Variants in TRAF3IP3 observed in about 807,000 individuals in gnomAD.
The protein encoded by TRAF3IP3 is TRAF3 interacting protein 3, also known as TRAF3-interacting JNK-activating modulator.
TRAF3IP3 carries 64 observed loss-of-function variants against 86.5 expected under a neutral mutation model. The observed-to-expected ratio is 0.74, with a 90% CI of 0.60 to 0.91. The LOEUF is 0.91. Ranked by LOEUF, TRAF3IP3 falls within the 40% of genes least tolerant of loss-of-function variation. The pLI is 0.00. For synonymous variants in TRAF3IP3, 220 were observed against 243.9 expected (o/e 0.90, Z 0.91); for missense variants, 579 against 642.9 (o/e 0.90, Z 1.07).
Position 209,756,145 on chromosome 1 carries a change from G to C in TRAF3IP3, c.-324G>C, listed in dbSNP as rs571735468. 1.0e-3 allele frequency: 157 copies of C among 152,478 alleles called. 1 individual carries two copies. The highest frequency in any genetic ancestry group is 3.5e-3 in the African/African-American group (146 of 41,590). The allele number at this position is 152,478 out of a possible 1,614,324, so 9.4% of individuals were successfully genotyped here. On this transcript the variant is annotated 5_prime_UTR_variant, in exon 1 of 17. Transcript: ENST00000367025. ...TTTCAGCAAGGCTGCTGTGCAAAAA[G>C]AAAGACGGTACCAAGAAGGGACGTG...
intron 3 of TRAF3IP3, 126 bp from the exon 4 acceptor site, chr1:209,762,389 G>A: frequency 1.1e-6 from 1 of 928,718 alleles, no homozygotes; most frequent in Non-Finnish European, 1.5e-6. Flanking sequence ...ACAGATTTGG[G>A]CGGGGGGACA....
chr1:209,772,715 G>A (rs774722675), intron 8 of TRAF3IP3, among the ~76,000 whole-genome samples: 110 of 150,922 alleles, frequency 7.3e-4, no homozygotes, highest in Non-Finnish European at 1.0e-3. Flanking sequence ...TAAAAATCGA[G>A]GTAAAAAGAG....
Position 209,782,234 on chromosome 1 carries a change from G to C in TRAF3IP3, c.*86G>C, listed in dbSNP as rs551776018. 6 of 1,071,894 alleles carry C rather than the reference G, an allele frequency of 5.6e-6. No individual in the cohort carries two copies. In the African/African-American group the frequency reaches 7.8e-5, roughly 14 times the overall value. 66.4% of individuals were successfully genotyped at this position (1,071,894 alleles called of 1,614,324 possible). ...GAAGGTTTGGGTACATTACAGCTTG[G>C]GTTTTCCAACTGACTTAGGATTTCT... On this transcript the variant is annotated 3_prime_UTR_variant, in exon 17 of 17. Transcript: ENST00000367025.
At chr1:209,765,669 A>G (rs1296746270) in intron 8 of TRAF3IP3, among the ~76,000 whole-genome samples, 1 of 152,222 alleles carries the variant, frequency 6.6e-6, no homozygotes, top group Non-Finnish European at 1.5e-5. Context: ...CTCTGTCTCA[A>G]AAAAGAAAAA....
chr1:209,775,985 A>C (rs751827325), intron 11 of TRAF3IP3: 13 of 384,176 alleles, frequency 3.4e-5, no homozygotes, highest in Non-Finnish European at 5.6e-5. Flanking sequence ...TCACCACCCA[A>C]ATGAAAAGAA....
intron 8 of TRAF3IP3, among the ~76,000 whole-genome samples, chr1:209,770,014 G>A (rs1473500417): frequency 1.3e-5 from 2 of 152,260 alleles, no homozygotes; most frequent in East Asian, 1.9e-4. Context: ...TACAAAGGGA[G>A]GGGACAAAAA....
chr1:209,781,648 T>C, intron 16 of TRAF3IP3, 190 bp downstream of exon 16: 1 of 519,528 alleles, frequency 1.9e-6, no homozygotes, highest in South Asian at 2.3e-5. Context: ...AAAGCCCAAC[T>C]TTCACAGAAC....
intron 2 of TRAF3IP3, among the ~76,000 whole-genome samples, chr1:209,759,530 G>A (rs1055731544): frequency 6.6e-6 from 1 of 152,202 alleles, no homozygotes; most frequent in African/African-American, 2.4e-5. Flanking sequence ...GACCAGTAAA[G>A]ATACTGACTT....
chr1:209,763,719 G>T (rs1033229900), intron 8 of TRAF3IP3, 132 bp downstream of exon 8: 7 of 729,512 alleles, frequency 9.6e-6, no homozygotes, highest in Non-Finnish European at 1.6e-5. Flanking sequence ...AGAGGCAGGA[G>T]ATGAGGGGGA....
intron 8 of TRAF3IP3, among the ~76,000 whole-genome samples, chr1:209,765,005 T>C (rs1372764527): frequency 3.3e-5 from 5 of 151,984 alleles, no homozygotes; most frequent in Admixed American, 6.6e-5. Context: ...CAAAACCCTG[T>C]CTCTACTAAA....
chr1:209,778,246 G>A, intron 13 of TRAF3IP3, 73 bp downstream of exon 13: 1 of 1,301,250 alleles, frequency 7.7e-7, no homozygotes, highest in Non-Finnish European at 1.1e-6. Context: ...GGCACCCAGA[G>A]TAGGGACTAA....
intron 8 of TRAF3IP3, chr1:209,768,628 A>T: frequency 2.0e-6 from 2 of 985,826 alleles, no homozygotes; most frequent in Non-Finnish European, 2.4e-6. Flanking sequence ...AACCACGCAG[A>T]AGCAGGAGCT....
intron 13 of TRAF3IP3, chr1:209,778,457 C>A: frequency 2.5e-6 from 1 of 405,398 alleles, no homozygotes; most frequent in Non-Finnish European, 4.4e-6. Flanking sequence ...TTTCCTAAAG[C>A]AGTTCTTATT....
intron 8 of TRAF3IP3, chr1:209,768,468 C>T (rs1231802929): frequency 9.1e-6 from 9 of 985,544 alleles, no homozygotes; most frequent in Non-Finnish European, 1.1e-5. Flanking sequence ...TGAAGATCTG[C>T]GTCCTGGAAT....
chr1:209,770,840 AGTGTGT>A (rs370117399), intron 8 of TRAF3IP3, among the ~76,000 whole-genome samples: 1 of 99,406 alleles, frequency 1.0e-5, no homozygotes, highest in Admixed American at 1.1e-4. Context: ...TCTATATAGA[AGTGTGT>A]GTGTGCATGT....
At chr1:209,760,430 T>A (rs1328291235) in intron 3 of TRAF3IP3, 46 bp downstream of exon 3, 1 of 1,472,178 alleles carries the variant, frequency 6.8e-7, no homozygotes, top group Non-Finnish European at 9.2e-7. Flanking sequence ...TGGGACCCTC[T>A]CTGGACAAGG....
At chr1:209,758,513 G>A (rs1336788642) in intron 1 of TRAF3IP3, 3 of 152,266 alleles carry the variant, frequency 2.0e-5, no homozygotes, top group Non-Finnish European at 4.4e-5. Flanking sequence ...ATTCCAGACT[G>A]AGCCAGAGTA....
Position 209,762,545 on chromosome 1 carries a change from G to T in TRAF3IP3, c.376G>T (p.Ala126Ser). The T allele has an allele frequency of 6.7e-7, 1 of 1,482,276 alleles. No homozygotes were observed. Among genetic ancestry groups the T allele is most frequent in the Non-Finnish European group, 9.0e-7 (1 of 1,116,854 alleles). The allele number at this position is 1,482,276 out of a possible 1,614,324, so 91.8% of individuals were successfully genotyped here. The stretch of plus-strand genomic sequence containing the variant: ...AGGCACCAGCTCTGAAGTCTTTCCA[G>T]CCCAGCATCCTCCTCCCTCAGGCAT... ...VTGTSSEVFP[A>S]QHPPPSGICR... is the part of the protein sequence containing the mutation. The change falls in exon 4 of 17, where the codon GCC becomes TCC. Residue 126 changes from alanine to serine, a missense_variant. Physicochemically the swap from Ala to Ser is moderately conservative, Grantham distance 99. Coordinates refer to ENST00000367025, the MANE Select transcript of TRAF3IP3 (RefSeq NM_025228.4).
rs942692657 is a variant in TRAF3IP3 at position 209,779,371 on chromosome 1, A to G, written c.1309A>G (p.Lys437Glu). 6.2e-7 allele frequency: 1 copy of G among 1,613,584 alleles called. No individual in the cohort carries two copies. Among genetic ancestry groups the G allele is most frequent in the South Asian group, 1.1e-5 (1 of 91,074 alleles). The change falls in exon 14 of 17, where the codon AAA becomes GAA. Residue 437 changes from lysine to glutamate, a missense_variant. Physicochemically the swap from Lys to Glu is moderately conservative, Grantham distance 56. Coordinates refer to ENST00000367025, the MANE Select transcript of TRAF3IP3 (RefSeq NM_025228.4). ...LQEQEKLLTK[K>E]DQALPVWSPK... ...AGAACAGGAGAAACTCTTAACAAAG[A>G]AAGGTCAGCAAATTTATTACCACAA...
Sources: gnomAD v4.1 joint callset for allele counts (sites outside exome capture counted in the v4.1 genomes callset) on GRCh38, gnomAD v4.1.1 for gene constraint, MANE v1.5 for transcripts, NCBI Gene and HGNC (gene_info 2026-07-23, HGNC 2026-07-21) for gene names.